The following CDK13 variants were observed in gnomAD, a reference collection of about 807,000 sequenced individuals.
CDK13 encodes cyclin-dependent kinase 13.
In CDK13, 40 loss-of-function variants were observed where a neutral mutation model predicts 137.6. The ratio of observed to expected loss-of-function variants is 0.29; its 90% CI spans 0.23 to 0.38. CDK13 has a LOEUF of 0.38. Ranked by LOEUF, CDK13 falls within the 10% of genes least tolerant of loss-of-function variation. The pLI, the probability that CDK13 is intolerant of heterozygous loss-of-function variation, is 1.00. For missense variants in CDK13, 1,704 were observed against 1,951.8 expected (o/e 0.87, Z 2.39); for synonymous variants, 869 against 760.1 (o/e 1.14, Z -2.36).
rs72210233 is a variant in CDK13, at chr7:39,996,961, C to CAAAAAAAAAAAAA, written c.1872-530_1872-518dup. ...CTTGGGTGACAGTGAGATTCCATCT[C>CAAAAAAAAAAAAA]AAAAAAAAAAAAAAAGAAAAAAAAA... On this transcript the variant is annotated intron_variant, in intron 2 of 13. Transcript: ENST00000181839. Among the ~76,000 whole-genome samples the CAAAAAAAAAAAAA allele has an allele frequency of 4.2e-4, 35 of 83,226 alleles. 1 individual carries two copies. The highest frequency in any genetic ancestry group is 2.1e-3 in the African/African-American group (27 of 12,714). 54.6% of individuals were successfully genotyped at this position (83,226 alleles called of 152,430 possible). A position where few individuals can be genotyped will look rare whatever the true frequency, so the allele number is the denominator to read the frequency against.
At chr7:39,985,581 A>T (rs568214779) in intron 1 of CDK13, 1 of 152,174 alleles carries the variant, frequency 6.6e-6, no homozygotes, top group Non-Finnish European at 1.5e-5. Flanking sequence ...ACTAATTTAC[A>T]TTCCCATCTA....
intron 9 of CDK13, among the ~76,000 whole-genome samples, chr7:40,075,769 G>A (rs1003200649): frequency 6.6e-6 from 1 of 152,116 alleles, no homozygotes; most frequent in Admixed American, 6.5e-5. Flanking sequence ...AACACTTTAG[G>A]AGACTGAGGT....
intron 9 of CDK13, among the ~76,000 whole-genome samples, chr7:40,075,781 G>T (rs991299937): frequency 6.6e-6 from 1 of 152,132 alleles, no homozygotes; most frequent in Non-Finnish European, 1.5e-5. Flanking sequence ...GACTGAGGTG[G>T]GAGGATCACT....
intron 1 of CDK13, among the ~76,000 whole-genome samples, chr7:39,963,873 A>G (rs1783807839): frequency 1.3e-5 from 2 of 152,162 alleles, no homozygotes; most frequent in South Asian, 4.1e-4. Context: ...ATCTATTGTG[A>G]TAATCATATG....
chr7:39,981,039 T>C (rs994348112), intron 1 of CDK13, among the ~76,000 whole-genome samples: 1 of 152,210 alleles, frequency 6.6e-6, no homozygotes, highest in Non-Finnish European at 1.5e-5. Context: ...TATGTATTCA[T>C]TAATTTCTAC....
intron 6 of CDK13, among the ~76,000 whole-genome samples, chr7:40,046,548 G>A (rs1785745303): frequency 6.6e-6 from 1 of 152,130 alleles, no homozygotes; most frequent in Admixed American, 6.5e-5. Flanking sequence ...ACAGGAGGCT[G>A]AGGCATGAGA....
intron 5 of CDK13, among the ~76,000 whole-genome samples, chr7:40,042,379 C>G (rs772044979): frequency 6.6e-6 from 1 of 150,504 alleles, no homozygotes; most frequent in Non-Finnish European, 1.5e-5. Flanking sequence ...CCACACCCAG[C>G]CGTTTTTGTA....
intron 5 of CDK13, among the ~76,000 whole-genome samples, chr7:40,040,467 CCTTTCT>C (rs1785581741): frequency 6.6e-6 from 1 of 152,142 alleles, no homozygotes; most frequent in African/African-American, 2.4e-5. Flanking sequence ...ACACATACCC[CCTTTCT>C]CTTTCAGGTG....
intron 1 of CDK13, among the ~76,000 whole-genome samples, chr7:39,976,312 C>CTG (rs1562707410): frequency 1.2e-4 from 12 of 99,530 alleles, no homozygotes; most frequent in African/African-American, 3.6e-4. Flanking sequence ...CTCTCTCTCT[C>CTG]TCTCTCTCTC....
chr7:39,993,543 CTG>C (rs560637646), intron 2 of CDK13, among the ~76,000 whole-genome samples: 81 of 152,202 alleles, frequency 5.3e-4, no homozygotes, highest in African/African-American at 1.9e-3. Context: ...AGATGGTAAT[CTG>C]TGTGTTTTCA....
At chr7:40,062,801 A>G (rs371777133) in intron 7 of CDK13, 25 bp from the exon 8 acceptor site, 1 of 1,486,142 alleles carries the variant, frequency 6.7e-7, no homozygotes, top group Non-Finnish European at 9.4e-7. Context: ...TACTAACTCT[A>G]AAGACTGTTT....
Position 39,951,018 on chromosome 7 carries a change from C to T in CDK13, c.377C>T (p.Pro126Leu), listed in dbSNP as rs1477767717. Residue 126 changes from proline (P) to leucine (L), a missense_variant, in exon 1 of 14, where the codon CCG becomes CTG. By Grantham distance (98) the Pro-to-Leu change is moderately conservative (BLOSUM62 -3). Transcript: ENST00000181839. ...CGTCGGGTCTTCTCGCTGCCCCAGCCGCAGCAGGACGGCGGTGGCGGTGCT... is the reference window on the plus strand; with the variant it reads ...CGTCGGGTCTTCTCGCTGCCCCAGCTGCAGCAGGACGGCGGTGGCGGTGCT... ...EKRRVFSLPQ[P>L]QQDGGGGASS... 9 of 1,299,334 alleles carry T rather than the reference C, an allele frequency of 6.9e-6. No individual in the cohort carries two copies. Among genetic ancestry groups the T allele is most frequent in the South Asian group, 2.4e-5 (1 of 41,678 alleles). The allele number at this position is 1,299,334 out of a possible 1,614,324, so 80.5% of individuals were successfully genotyped here. A position where few individuals can be genotyped will look rare whatever the true frequency, so the allele number is the denominator to read the frequency against.
chr7:39,965,017 A>G (rs1487520408), intron 1 of CDK13, among the ~76,000 whole-genome samples: 6 of 152,022 alleles, frequency 3.9e-5, no homozygotes, highest in Admixed American at 6.6e-5. Flanking sequence ...GTTCTTTTAC[A>G]TTTGCTGAGG....
At chr7:40,078,570 A>G (rs956606740) in intron 10 of CDK13, 150 bp from the exon 11 acceptor site, 1 of 350,902 alleles carries the variant, frequency 2.8e-6, no homozygotes, top group African/African-American at 2.1e-5. Flanking sequence ...GAAGTAAAGT[A>G]TTATGCACAT....
chr7:39,991,484 AGTGTGTGT>A lies in CDK13; in HGVS notation c.1871+3259_1871+3266del, dbSNP rs66520870. Among the ~76,000 whole-genome samples, 474 of 143,762 alleles carry A rather than the reference AGTGTGTGT, an allele frequency of 3.3e-3. 2 individuals are homozygous for A. The highest frequency in any genetic ancestry group is 8.0e-3 in the African/African-American group (312 of 38,804). 94.3% of individuals were successfully genotyped at this position (143,762 alleles called of 152,430 possible). A position where few individuals can be genotyped will look rare whatever the true frequency, so the allele number is the denominator to read the frequency against. ...TTGTATCCACAAATACATTAGCAAA[AGTGTGTGT>A]GTGTGTGTGTGTGTGTGTGTGTGTG... is the stretch of plus-strand genomic sequence containing the variant. On this transcript the variant is annotated intron_variant, in intron 2 of 13. Transcript: ENST00000181839.
At chr7:39,964,795 A>G (rs1783830706) in intron 1 of CDK13, among the ~76,000 whole-genome samples, 1 of 151,850 alleles carries the variant, frequency 6.6e-6, no homozygotes, top group South Asian at 2.1e-4. Context: ...ACTGCTTTGA[A>G]TGTGTCCCAG....
At chr7:40,070,066 C>CAAAAAAAAAAAAAA (rs70996878) in intron 9 of CDK13, 1 of 44,768 alleles carries the variant, frequency 2.2e-5, no homozygotes, top group Non-Finnish European at 3.8e-5. Context: ...ACCAAAACTA[C>CAAAAAAAAAAAAAA]AAAAAAAAAA....
chr7:40,077,890 A>C (rs895847276), intron 9 of CDK13, 115 bp from the exon 10 acceptor site: 3 of 531,164 alleles, frequency 5.6e-6, no homozygotes, highest in Non-Finnish European at 1.0e-5. Flanking sequence ...AAAAGTTTTT[A>C]TAGACCAAGG....
chr7:40,094,296 C>T lies in CDK13; in HGVS notation c.3855C>T (p.Pro1285=), dbSNP rs375633787. ...LDYRTENQHV[P]TTSSSLTDPH... is the part of the protein sequence containing the mutation. ...ATCGGACAGAAAACCAGCATGTACC[C>T]ACCACCAGTTCTTCATTAACTGACC... The change falls in exon 14 of 14, where the codon CCC becomes CCT. Residue 1285 remains proline, a synonymous_variant. Transcript: ENST00000181839. The T allele has an allele frequency of 1.2e-6, 2 of 1,612,770 alleles. No individual in the cohort carries two copies. The highest frequency in any genetic ancestry group is 1.7e-6 in the Non-Finnish European group (2 of 1,179,506).
Sources: gnomAD v4.1 joint callset for allele counts (sites outside exome capture counted in the v4.1 genomes callset) on GRCh38, gnomAD v4.1.1 for gene constraint, MANE v1.5 for transcripts, NCBI Gene and HGNC (gene_info 2026-07-23, HGNC 2026-07-21) for gene names.